C4orf17: variants seen among roughly 807,000 people sequenced by gnomAD.
C4orf17 encodes chromosome 4 open reading frame 17.
Under a neutral mutation model 32.0 loss-of-function variants are expected in C4orf17, and 25 were observed. That is an observed-to-expected ratio of 0.78 (90% confidence interval 0.57 to 1.09). The LOEUF is 1.09. C4orf17 is among the 50% of genes least tolerant of loss of function. The pLI is 0.00. For missense variants in C4orf17, 420 were observed against 420.0 expected, an observed-to-expected ratio of 1.00 and a Z score of 0.00; for synonymous variants, 149 against 145.8, an observed-to-expected ratio of 1.02 and a Z score of -0.16.
At chr4:99,537,549 A>G (rs1723581934) in intron 5 of C4orf17, 120 bp from the exon 6 acceptor site, 3 of 712,538 alleles carry the variant, frequency 4.2e-6, no homozygotes, top group South Asian at 1.6e-5. Context: ...CCAATTAACT[A>G]AATTGCACAT....
In C4orf17 at chr4:99,528,332, T is replaced by C. The variant is rs188655156; in HGVS notation, c.403-1483T>C. On this transcript the variant is annotated intron_variant, in intron 4 of 8. Coordinates refer to ENST00000326581, the MANE Select transcript of C4orf17 (RefSeq NM_032149.3). ...TGTTGTATATTTTCTATTTTATTAATTTCTGCTGTTATTAGTTTTCTCTTT... is the reference window on the plus strand; with the variant it reads ...TGTTGTATATTTTCTATTTTATTAACTTCTGCTGTTATTAGTTTTCTCTTT... Among the ~76,000 whole-genome samples, 16 of 152,304 alleles carry C rather than the reference T, an allele frequency of 1.1e-4. No individual in the cohort carries two copies. In the East Asian group the frequency reaches 2.5e-3, roughly 24 times the overall value.
At chr4:99,520,546 A>T (rs1723268687) in intron 2 of C4orf17, among the ~76,000 whole-genome samples, 1 of 152,142 alleles carries the variant, frequency 6.6e-6, no homozygotes, top group South Asian at 2.1e-4. Flanking sequence ...ACATTTTCTT[A>T]TCATATACTA....
Position 99,520,924 on chromosome 4 carries a change from T to C in C4orf17, c.128-1576T>C, listed in dbSNP as rs185343697. 4.1e-3 allele frequency among the ~76,000 whole-genome samples: 624 copies of C among 152,366 alleles called. 29 individuals are homozygous for C. In the South Asian group the frequency reaches 0.085, roughly 21 times the overall value. On this transcript the variant is annotated intron_variant, in intron 2 of 8. Transcript: ENST00000326581. ...ATAAGTATAGATTAAGCCATTTCTT[T>C]ACTGTTTACCAACTTAATAATATGT...
Position 99,539,294 on chromosome 4 carries a change from A to C in C4orf17, c.760A>C (p.Thr254Pro), listed in dbSNP as rs765674143. 1 of 1,614,006 alleles carries C rather than the reference A, an allele frequency of 6.2e-7. No homozygotes were observed. Reference protein sequence around the residue: ...GKPPTVKSPPTVKLPPNFTAK... With the variant: ...GKPPTVKSPPPVKLPPNFTAK... ...GCCACCCACAGTTAAATCACCACCC[A>C]CAGTTAAATTGCCCCCAAATTTTAC... is the stretch of plus-strand genomic sequence containing the variant. The change falls in exon 7 of 9, where the codon ACA becomes CCA. Residue 254 changes from threonine to proline, a missense_variant. By Grantham distance (38) the Thr-to-Pro change is conservative (BLOSUM62 -1). Coordinates refer to ENST00000326581, the MANE Select transcript of C4orf17 (RefSeq NM_032149.3).
At position 99,539,247 on chromosome 4, in the gene C4orf17, A is replaced by T; in HGVS notation, c.713A>T (p.Glu238Val). ...CATCACAGAAGAAACACCTCAATGG[A>T]ACCAGCAGCAGAGACTGGGAAGCCA... is the stretch of plus-strand genomic sequence containing the variant. ...LTHHRRNTSM[E>V]PAAETGKPPT... The change falls in exon 7 of 9, where the codon GAA (glutamate) becomes GTA (valine). Residue 238 changes from glutamate (E) to valine (V), a missense_variant. By Grantham distance (121) the Glu-to-Val change is moderately radical. Transcript: ENST00000326581. 5 of 1,614,096 alleles carry T rather than the reference A, an allele frequency of 3.1e-6. No individual in the cohort carries two copies. The highest frequency in any genetic ancestry group is 4.2e-6 in the Non-Finnish European group (5 of 1,179,962).
In C4orf17 at chr4:99,513,095, C is replaced by A. The variant is rs754141882; in HGVS notation, c.14C>A (p.Pro5His). 2.5e-6 allele frequency: 4 copies of A among 1,613,644 alleles called. No homozygotes were observed. In the South Asian group the frequency reaches 4.4e-5, roughly 18 times the overall value. Residue 5 changes from proline to histidine, a missense_variant, in exon 2 of 9, where the codon CCC (proline) becomes CAC (histidine). Physicochemically the swap from Pro to His is moderately conservative, Grantham distance 77. Coordinates refer to ENST00000326581, the MANE Select transcript of C4orf17 (RefSeq NM_032149.3). ...CACACCACAAACATGAACCTCAACCCCCCGACATCTGCTCTTCAGATCGAG... is the reference window on the plus strand; with the variant it reads ...CACACCACAAACATGAACCTCAACCACCCGACATCTGCTCTTCAGATCGAG... MNLN[P>H]PTSALQIEGK...
In C4orf17 at chr4:99,522,567, T is replaced by G; in HGVS notation, c.195T>G (p.Val65=). 1.9e-6 allele frequency: 3 copies of G among 1,613,984 alleles called. No individual in the cohort carries two copies. Among genetic ancestry groups the G allele is most frequent in the Non-Finnish European group, 2.5e-6 (3 of 1,179,904 alleles). Residue 65 remains valine, a synonymous_variant, in exon 3 of 9, where the codon GTT becomes GTG. Coordinates refer to ENST00000326581, the MANE Select transcript of C4orf17 (RefSeq NM_032149.3). ...DENAFGTLWG[V]GQSNYLEKNR... ...ATGCATTTGGAACATTGTGGGGAGT[T>G]GGCCAGTCTAACTACTTAGAGAAGA...
intron 2 of C4orf17, among the ~76,000 whole-genome samples, chr4:99,515,005 G>A (rs1723154827): frequency 6.6e-6 from 1 of 152,174 alleles, no homozygotes; most frequent in South Asian, 2.1e-4. Flanking sequence ...CTCAGGAATG[G>A]AAAACCAAAG....
At chr4:99,513,236 G>A (rs771489179) in intron 2 of C4orf17, 28 bp downstream of exon 2, 1 of 1,612,644 alleles carries the variant, frequency 6.2e-7, no homozygotes, top group Non-Finnish European at 8.5e-7. Context: ...CCTAGTATGT[G>A]TCTCTATTCT....
intron 5 of C4orf17, 61 bp from the exon 6 acceptor site, chr4:99,537,608 G>A (rs1156398521): frequency 8.3e-7 from 1 of 1,210,470 alleles, no homozygotes; most frequent in Non-Finnish European, 1.2e-6. Flanking sequence ...GAAGGTAAAG[G>A]AAAACTGATA....
At chr4:99,516,484 T>G (rs1376169131) in intron 2 of C4orf17, among the ~76,000 whole-genome samples, 1 of 152,242 alleles carries the variant, frequency 6.6e-6, no homozygotes, top group African/African-American at 2.4e-5. Flanking sequence ...TATACGTTTA[T>G]TCATTCATTC....
chr4:99,512,398 C>T (rs1338371117), intron 1 of C4orf17, among the ~76,000 whole-genome samples: 1 of 152,044 alleles, frequency 6.6e-6, no homozygotes, highest in Non-Finnish European at 1.5e-5. Flanking sequence ...TCTATGACAC[C>T]ATAGGTGTCT....
At position 99,513,136 on chromosome 4, in the gene C4orf17, A is replaced by G; in HGVS notation, c.55A>G (p.Ile19Val). Reference protein sequence around the residue: ...ALQIEGKGSHIMARNVSCFLV... With the variant: ...ALQIEGKGSHVMARNVSCFLV... ...TCAGATCGAGGGCAAAGGCAGCCAT[A>G]TTATGGCTAGAAATGTAAGCTGCTT... Residue 19 changes from isoleucine (I) to valine (V), a missense_variant, in exon 2 of 9, where the codon ATT becomes GTT. By Grantham distance (29) the Ile-to-Val change is conservative (BLOSUM62 3). Transcript: ENST00000326581. 5 of 1,613,932 alleles carry G rather than the reference A, an allele frequency of 3.1e-6. No homozygotes were observed. Among genetic ancestry groups the G allele is most frequent in the Non-Finnish European group, 3.4e-6 (4 of 1,179,866 alleles).
rs745831544 is a variant in C4orf17, at chr4:99,542,161, C to G, written c.*52C>G. On this transcript the variant is annotated 3_prime_UTR_variant, in exon 9 of 9. Coordinates refer to ENST00000326581, the MANE Select transcript of C4orf17 (RefSeq NM_032149.3). Reference sequence around the variant, plus strand: ...ATGAATATGAGCTTCACATTTACATCATCAAATTATTTTTCAAATGAATAT... The same window carrying G: ...ATGAATATGAGCTTCACATTTACATGATCAAATTATTTTTCAAATGAATAT... The G allele has an allele frequency of 1.4e-6, 2 of 1,470,856 alleles. No homozygotes were observed. The highest frequency in any genetic ancestry group is 1.9e-6 in the Non-Finnish European group (2 of 1,055,298). The allele number at this position is 1,470,856 out of a possible 1,614,324, so 91.1% of individuals were successfully genotyped here.
Position 99,521,421 on chromosome 4 carries a change from T to C in C4orf17, c.128-1079T>C, listed in dbSNP as rs76699458. ...TAATTTGTGACCATTGCATATTGTG[T>C]ATTTAAGATCTATATCTTAAATAAT... On this transcript the variant is annotated intron_variant, in intron 2 of 8. Coordinates refer to ENST00000326581, the MANE Select transcript of C4orf17 (RefSeq NM_032149.3). Among the ~76,000 whole-genome samples the C allele has an allele frequency of 7.3e-3, 1,113 of 152,234 alleles. 12 individuals are homozygous for C. The highest frequency in any genetic ancestry group is 0.025 in the African/African-American group (1,058 of 41,534).
chr4:99,537,421 A>G (rs1723580151), intron 5 of C4orf17, among the ~76,000 whole-genome samples: 1 of 152,172 alleles, frequency 6.6e-6, no homozygotes, highest in African/African-American at 2.4e-5. Context: ...TGTGAGGAGC[A>G]ATACCTCAGA....
At chr4:99,533,012 C>T (rs1281658847) in intron 5 of C4orf17, among the ~76,000 whole-genome samples, 1 of 152,080 alleles carries the variant, frequency 6.6e-6, no homozygotes, top group Non-Finnish European at 1.5e-5. Context: ...CAACGAACAA[C>T]AATTAATATG....
At chr4:99,512,289 A>G (rs1723104830) in intron 1 of C4orf17, among the ~76,000 whole-genome samples, 1 of 152,204 alleles carries the variant, frequency 6.6e-6, no homozygotes, top group Non-Finnish European at 1.5e-5. Flanking sequence ...TTTCAAGAAA[A>G]TTTAAATAAC....
chr4:99,512,828 C>T (rs1445986283), intron 1 of C4orf17, among the ~76,000 whole-genome samples, 161 bp from the exon 2 acceptor site: 1 of 152,144 alleles, frequency 6.6e-6, no homozygotes, highest in Non-Finnish European at 1.5e-5. Context: ...CATGCCTATA[C>T]TTTTCAACGT....
Sources: allele counts gnomAD v4.1 joint callset (sites outside exome capture counted in the v4.1 genomes callset), GRCh38; gene constraint gnomAD v4.1.1; transcripts MANE v1.5; gene names NCBI Gene and HGNC (gene_info 2026-07-23, HGNC 2026-07-21).